TMTC2: variants seen among roughly 807,000 people sequenced by gnomAD.
TMTC2 encodes the protein protein O-mannosyl-transferase TMTC2.
TMTC2 carries 43 observed loss-of-function variants against 82.4 expected under a neutral mutation model. The observed-to-expected ratio is 0.52, with a 90% CI of 0.41 to 0.67. TMTC2 has a LOEUF of 0.67. Among genes scored for constraint, TMTC2 ranks in the 30% least tolerant of loss-of-function variants. The probability of loss-of-function intolerance (pLI) is 0.00; values close to 1 mark genes in which losing one functional copy is unlikely to be tolerated. For missense variants in TMTC2, 919 were observed against 1,012.4 expected (o/e 0.91, Z 1.25); for synonymous variants, 408 against 381.9 (o/e 1.07, Z -0.80).
intron 8 of TMTC2, among the ~76,000 whole-genome samples, chr12:83,006,422 G>A (rs1178047860): frequency 2.6e-5 from 4 of 151,928 alleles, no homozygotes; most frequent in South Asian, 4.2e-4. Flanking sequence ...CAGTTGTAAC[G>A]TTTCCTCTTT....
At chr12:83,095,326 T>C (rs986440192) in intron 11 of TMTC2, among the ~76,000 whole-genome samples, 8 of 151,314 alleles carry the variant, frequency 5.3e-5, no homozygotes, top group African/African-American at 1.5e-4. Flanking sequence ...CTGCAAGCTC[T>C]GCCTCCCGGG....
chr12:82,987,419 C>CAAAAAAAAAAAAA (rs1236293175), intron 8 of TMTC2, among the ~76,000 whole-genome samples: 1 of 35,574 alleles, frequency 2.8e-5, no homozygotes, highest in Non-Finnish European at 6.1e-5. Flanking sequence ...GACTCCATCT[C>CAAAAAAAAAAAAA]AAAAAAAAAA....
intron 1 of TMTC2, among the ~76,000 whole-genome samples, chr12:82,789,150 C>T (rs144016904): frequency 1.3e-5 from 2 of 152,090 alleles, no homozygotes; most frequent in East Asian, 1.9e-4. Flanking sequence ...TCCAGATTCA[C>T]GCTTTTGTCG....
intron 1 of TMTC2, among the ~76,000 whole-genome samples, chr12:82,805,758 A>C (rs539088185): frequency 1.3e-5 from 2 of 150,946 alleles, no homozygotes. Context: ...GCCCACCTCA[A>C]CCTCCCAAAG....
intron 11 of TMTC2, among the ~76,000 whole-genome samples, chr12:83,118,292 A>G (rs1407542328): frequency 6.6e-6 from 1 of 151,962 alleles, no homozygotes; most frequent in Non-Finnish European, 1.5e-5. Flanking sequence ...ATTCAATATT[A>G]TGTTGCCTGT....
chr12:83,107,924 T>C (rs1041762867), intron 11 of TMTC2, among the ~76,000 whole-genome samples: 7 of 151,806 alleles, frequency 4.6e-5, no homozygotes, highest in Admixed American at 2.6e-4. Flanking sequence ...GGGAGGTGAC[T>C]GAATCAAGGG....
At chr12:82,993,338 C>T (rs1879477866) in intron 8 of TMTC2, among the ~76,000 whole-genome samples, 1 of 150,630 alleles carries the variant, frequency 6.6e-6, no homozygotes, top group South Asian at 2.1e-4. Flanking sequence ...TTGAACAACA[C>T]AAGTTTGAAC....
intron 1 of TMTC2, among the ~76,000 whole-genome samples, chr12:82,716,077 G>A (rs1485925818): frequency 2.6e-5 from 4 of 152,180 alleles, no homozygotes; most frequent in South Asian, 2.1e-4. Context: ...AAAACTTGGT[G>A]TCTAAATTGT....
At chr12:82,696,336 A>C (rs563456109) in intron 1 of TMTC2, among the ~76,000 whole-genome samples, 1 of 152,186 alleles carries the variant, frequency 6.6e-6, no homozygotes, top group African/African-American at 2.4e-5. Context: ...CTAGTGAAAG[A>C]AAAAAAATAT....
chr12:83,130,548 T>C (rs970638269), intron 11 of TMTC2, among the ~76,000 whole-genome samples: 5 of 152,180 alleles, frequency 3.3e-5, no homozygotes, highest in African/African-American at 4.8e-5. Flanking sequence ...GAAAATGATA[T>C]AGAAAGGTTT....
intron 4 of TMTC2, among the ~76,000 whole-genome samples, chr12:82,931,804 G>A (rs1876044893): frequency 6.6e-6 from 1 of 152,138 alleles, no homozygotes; most frequent in African/African-American, 2.4e-5. Flanking sequence ...GAAGGAAAGA[G>A]AACTGTTTTG....
At position 83,036,342 on chromosome 12, in the gene TMTC2, A is replaced by G. The variant is rs74601760; in HGVS notation, c.2152+5463A>G. ...ATCCATCTTTCTTGCTTGTGAGCTCATAGAAAAGTATAGATTTTTTAAAAT... is the reference window on the plus strand; with the variant it reads ...ATCCATCTTTCTTGCTTGTGAGCTCGTAGAAAAGTATAGATTTTTTAAAAT... On this transcript the variant is annotated intron_variant, in intron 9 of 11. Coordinates refer to ENST00000321196, the MANE Select transcript of TMTC2 (RefSeq NM_152588.3). Among the ~76,000 whole-genome samples the G allele has an allele frequency of 2.6e-5, 4 of 152,232 alleles. No individual in the cohort carries two copies. In the East Asian group the frequency reaches 7.7e-4, roughly 29 times the overall value.
chr12:82,820,064 G>A (rs917036073), intron 1 of TMTC2, among the ~76,000 whole-genome samples: 1 of 152,148 alleles, frequency 6.6e-6, no homozygotes, highest in Non-Finnish European at 1.5e-5. Flanking sequence ...CTTGGAGTCC[G>A]ATGTTCTACG....
rs536857357 is a variant in TMTC2 at position 82,854,753 on chromosome 12, A to G, written c.84-2257A>G. On this transcript the variant is annotated intron_variant, in intron 1 of 11. Coordinates refer to ENST00000321196, the MANE Select transcript of TMTC2 (RefSeq NM_152588.3). ...CAGATCTTTTGCCTTTTTATTGAAC[A>G]TTTAGAAAAGTCAACTAGTTCTTAT... is the stretch of plus-strand genomic sequence containing the variant. 2.0e-5 allele frequency among the ~76,000 whole-genome samples: 3 copies of G among 152,302 alleles called. No individual in the cohort carries two copies. The East Asian group carries it at 5.8e-4, about 29-fold the overall frequency.
chr12:82,963,136 T>TCC (rs1332279568), intron 4 of TMTC2, among the ~76,000 whole-genome samples: 2 of 151,900 alleles, frequency 1.3e-5, no homozygotes, highest in Admixed American at 6.6e-5. Flanking sequence ...GGGGCATTGG[T>TCC]CATATACACC....
At chr12:82,993,557 C>A (rs1879489402) in intron 8 of TMTC2, among the ~76,000 whole-genome samples, 1 of 151,986 alleles carries the variant, frequency 6.6e-6, no homozygotes, top group Non-Finnish European at 1.5e-5. Context: ...ATACACAAGT[C>A]TATTATAAAA....
intron 11 of TMTC2, among the ~76,000 whole-genome samples, chr12:83,102,065 T>C (rs1270289933): frequency 1.3e-5 from 2 of 152,210 alleles, no homozygotes; most frequent in Non-Finnish European, 2.9e-5. Flanking sequence ...AGTTTAGAGA[T>C]TGGCATTATC....
rs1873674743 is a variant in TMTC2 at position 82,896,243 on chromosome 12, C to G, written c.1080C>G (p.Tyr360Ter). The change falls in exon 3 of 12, where the codon TAC becomes TAG. Residue 360 changes from tyrosine (Y) to a stop codon, truncating the protein, a stop_gained. Transcript: ENST00000321196. LOFTEE classifies it high-confidence loss of function. ...ATAGCTGCCTTTCAGATGTGGAGTA[C>G]CAGAACTCAGAGACTAAGTCCAGCT... ...NGHSCLSDVE[Y>*]QNSETKSSFA... The G allele has an allele frequency of 2.5e-6, 4 of 1,613,954 alleles. No individual in the cohort carries two copies. Among genetic ancestry groups the G allele is most frequent in the Non-Finnish European group, 3.4e-6 (4 of 1,180,022 alleles).
At chr12:82,936,478 T>C (rs1352194278) in intron 4 of TMTC2, among the ~76,000 whole-genome samples, 2 of 152,008 alleles carry the variant, frequency 1.3e-5, no homozygotes, top group South Asian at 2.1e-4. Flanking sequence ...CAAATATAAA[T>C]GTATATACAT....
Sources: allele counts gnomAD v4.1 joint callset (sites outside exome capture counted in the v4.1 genomes callset), GRCh38; gene constraint gnomAD v4.1.1; transcripts MANE v1.5; gene names NCBI Gene and HGNC (gene_info 2026-07-23, HGNC 2026-07-21).